Variants in BNIP3L observed in about 807,000 individuals in gnomAD.
BNIP3L encodes BCL2 interacting protein 3 like.
Under a neutral mutation model 25.5 loss-of-function variants are expected in BNIP3L, and 10 were observed. That is an observed-to-expected ratio of 0.39 (90% confidence interval 0.24 to 0.67). The LOEUF (loss-of-function observed/expected upper bound fraction) is 0.67. Among genes scored for constraint, BNIP3L ranks in the 30% least tolerant of loss-of-function variants. BNIP3L has a pLI of 0.45. For missense variants in BNIP3L, 215 were observed against 270.9 expected, an observed-to-expected ratio of 0.79 and a Z score of 1.45; for synonymous variants, 113 against 101.2, an observed-to-expected ratio of 1.12 and a Z score of -0.70.
chr8:26,390,294 A>G (rs946120361), intron 1 of BNIP3L: 4 of 945,142 alleles, frequency 4.2e-6, no homozygotes, highest in Middle Eastern at 5.4e-4. Context: ...TACGTTTAGC[A>G]AACTCATCAG....
At chr8:26,388,609 T>C (rs553659406) in intron 1 of BNIP3L, among the ~76,000 whole-genome samples, 1 of 152,250 alleles carries the variant, frequency 6.6e-6, no homozygotes, top group Admixed American at 6.5e-5. Flanking sequence ...ATATATTGGA[T>C]TATGATTGCT....
chr8:26,392,963 C>T lies in BNIP3L; in HGVS notation c.284+1537C>T, dbSNP rs1806148796. On this transcript the variant is annotated intron_variant, in intron 2 of 5. Coordinates refer to ENST00000380629, the MANE Select transcript of BNIP3L (RefSeq NM_004331.3). The stretch of plus-strand genomic sequence containing the variant: ...TTTTACGTGTGACTGAATATGCCTT[C>T]ACCCTCCTATGATCATGTTTAAGTT... 2.6e-5 allele frequency among the ~76,000 whole-genome samples: 4 copies of T among 152,044 alleles called. No individual in the cohort carries two copies. The South Asian group carries it at 8.3e-4, about 32-fold the overall frequency.
intron 2 of BNIP3L, among the ~76,000 whole-genome samples, chr8:26,392,839 C>G (rs918579927): frequency 6.6e-6 from 1 of 152,086 alleles, no homozygotes; most frequent in African/African-American, 2.4e-5. Context: ...TCATTGATAC[C>G]ATGGTGTCCA....
chr8:26,406,631 G>A (rs1806505550), intron 3 of BNIP3L, among the ~76,000 whole-genome samples: 1 of 152,074 alleles, frequency 6.6e-6, no homozygotes, highest in Non-Finnish European at 1.5e-5. Flanking sequence ...GACCAGGCTG[G>A]GCAACATAGT....
chr8:26,383,754 T>G (rs1324526154), intron 1 of BNIP3L, among the ~76,000 whole-genome samples: 1 of 151,988 alleles, frequency 6.6e-6, no homozygotes, highest in East Asian at 1.9e-4. Context: ...CAGCGAGCAT[T>G]CCTTTGTTGC....
At chr8:26,384,547 A>G (rs781132717) in intron 1 of BNIP3L, among the ~76,000 whole-genome samples, 1 of 152,148 alleles carries the variant, frequency 6.6e-6, no homozygotes, top group Non-Finnish European at 1.5e-5. Flanking sequence ...TTATTTGCCC[A>G]TGTTTAGCAT....
chr8:26,407,178 T>TTTTG (rs1806519816), intron 3 of BNIP3L, among the ~76,000 whole-genome samples: 1 of 147,810 alleles, frequency 6.8e-6, no homozygotes, highest in Non-Finnish European at 1.5e-5. Flanking sequence ...GCTAATTTTT[T>TTTTG]TTTGTTTTGT....
intron 1 of BNIP3L, among the ~76,000 whole-genome samples, chr8:26,389,471 G>T (rs1806059118): frequency 6.6e-6 from 1 of 152,066 alleles, no homozygotes; most frequent in Admixed American, 6.6e-5. Flanking sequence ...TCTAGCCTGT[G>T]TCCATTTTAT....
rs559288203 is a variant in BNIP3L at position 26,408,957 on chromosome 8, T to C, written c.611+581T>C. ...CGGACTCCTCTGTGATTGATTTTTC[T>C]TTTTGGGTTTTGTTGTGTAATATTT... On this transcript the variant is annotated intron_variant, in intron 5 of 5. Coordinates refer to ENST00000380629, the MANE Select transcript of BNIP3L (RefSeq NM_004331.3). Among the ~76,000 whole-genome samples the C allele has an allele frequency of 3.3e-5, 5 of 152,248 alleles. No homozygotes were observed. In the South Asian group the frequency reaches 8.3e-4, roughly 25 times the overall value.
intron 2 of BNIP3L, among the ~76,000 whole-genome samples, chr8:26,391,880 G>A (rs1306106071): frequency 6.6e-6 from 1 of 152,182 alleles, no homozygotes. Flanking sequence ...CAGTAATGGT[G>A]CTGGCACGTA....
chr8:26,392,495 G>C (rs1290575985), intron 2 of BNIP3L, among the ~76,000 whole-genome samples: 1 of 152,194 alleles, frequency 6.6e-6, no homozygotes, highest in African/African-American at 2.4e-5. Flanking sequence ...CCAACTTCCT[G>C]AGTGGCTTAT....
chr8:26,401,134 T>C (rs1193626210), intron 3 of BNIP3L, among the ~76,000 whole-genome samples: 3 of 139,558 alleles, frequency 2.1e-5, no homozygotes, highest in Non-Finnish European at 3.2e-5. Flanking sequence ...TATTGCGGCA[T>C]TATTCACGAT....
At chr8:26,407,036 A>G (rs1335208892) in intron 3 of BNIP3L, among the ~76,000 whole-genome samples, 1 of 150,230 alleles carries the variant, frequency 6.7e-6, no homozygotes, top group Non-Finnish European at 1.5e-5. Flanking sequence ...TCTATCACCC[A>G]GGCTGGAGTG....
chr8:26,383,552 TG>T (rs1237300077), intron 1 of BNIP3L: 1 of 5,286 alleles, frequency 1.9e-4, no homozygotes, highest in African/African-American at 8.4e-4. Flanking sequence ...GGGGCGGGCC[TG>T]GGGGGCGGGG....
At chr8:26,391,994 T>G (rs532759793) in intron 2 of BNIP3L, among the ~76,000 whole-genome samples, 1 of 152,314 alleles carries the variant, frequency 6.6e-6, no homozygotes, top group East Asian at 1.9e-4. Context: ...TAAAGATAGT[T>G]TTGAAGTCTC....
intron 1 of BNIP3L, among the ~76,000 whole-genome samples, chr8:26,387,600 C>T (rs1211105397): frequency 2.0e-5 from 3 of 152,126 alleles, no homozygotes; most frequent in Non-Finnish European, 2.9e-5. Flanking sequence ...GGGAAACAGA[C>T]GTGTTGTTCA....
At chr8:26,384,827 A>T (rs908557317) in intron 1 of BNIP3L, among the ~76,000 whole-genome samples, 2 of 148,248 alleles carry the variant, frequency 1.3e-5, no homozygotes, top group Admixed American at 1.4e-4. Flanking sequence ...CCTCCCGAGT[A>T]GCTGGGACTA....
chr8:26,390,483 C>T (rs1300022708), intron 1 of BNIP3L: 4 of 984,324 alleles, frequency 4.1e-6, no homozygotes, highest in Non-Finnish European at 4.8e-6. Flanking sequence ...AGTAGAAACC[C>T]GTGGGAGAGA....
chr8:26,388,583 T>C (rs1456942946), intron 1 of BNIP3L, among the ~76,000 whole-genome samples: 1 of 152,170 alleles, frequency 6.6e-6, no homozygotes, highest in Non-Finnish European at 1.5e-5. Flanking sequence ...GTATGTCTCT[T>C]TCAGGTTCCA....
Sources: gnomAD v4.1 joint callset for allele counts (sites outside exome capture counted in the v4.1 genomes callset) on GRCh38, gnomAD v4.1.1 for gene constraint, MANE v1.5 for transcripts, NCBI Gene and HGNC (gene_info 2026-07-23, HGNC 2026-07-21) for gene names.